GMDS: variants seen among roughly 807,000 people sequenced by gnomAD.
The protein encoded by GMDS is GDP-mannose 4,6 dehydratase.
A neutral mutation model predicts 49.9 loss-of-function variants in GMDS; 20 were observed. The observed-to-expected ratio is 0.40, with a 90% CI of 0.28 to 0.58. The LOEUF (loss-of-function observed/expected upper bound fraction) is 0.58. GMDS is among the 20% of genes least tolerant of loss of function. The pLI, the probability that GMDS is intolerant of heterozygous loss-of-function variation, is 0.42. For missense variants in GMDS, 362 were observed against 481.4 expected, an observed-to-expected ratio of 0.75 and a Z score of 2.32; for synonymous variants, 177 against 178.6, an observed-to-expected ratio of 0.99 and a Z score of 0.07.
In GMDS at chr6:1,766,203, T is replaced by G. The variant is rs566803236; in HGVS notation, c.772-23617A>C. On this transcript the variant is annotated intron_variant, in intron 7 of 10. Transcript: ENST00000380815. This position sits in a 1 kb window ranked among gnomAD's most constrained non-coding sequence, Gnocchi z 4.5. The stretch of plus-strand genomic sequence containing the variant: ...AGATACCTGATGCCATGATTAATTT[T>G]TGTGTGTGGCACAGAAGCAAGGAGA... 6.6e-6 allele frequency among the ~76,000 whole-genome samples: 1 copy of G among 150,786 alleles called. No homozygotes were observed. Among genetic ancestry groups the G allele is most frequent in the South Asian group, 2.1e-4 (1 of 4,792 alleles).
At chr6:1,950,600 G>A (rs991248524) in intron 6 of GMDS, among the ~76,000 whole-genome samples, 12 of 152,188 alleles carry the variant, frequency 7.9e-5, no homozygotes, top group Admixed American at 6.5e-5. Context: ...TGGTGTTCAC[G>A]TAAATGTTTG....
At position 1,950,493 on chromosome 6, in the gene GMDS, C is replaced by T. The variant is rs572886048; in HGVS notation, c.643+9374G>A. Among the ~76,000 whole-genome samples the T allele has an allele frequency of 1.6e-4, 24 of 152,260 alleles. No homozygotes were observed. The South Asian group carries it at 5.0e-3, about 32-fold the overall frequency. On this transcript the variant is annotated intron_variant, in intron 6 of 10. Transcript: ENST00000380815. ...GGTCACTGAGGTGAGGGTTCAGCCT[C>T]CAATGATTAGAAGAGTCCTGGGTTT...
At chr6:1,965,920 C>T (rs7769222) in intron 4 of GMDS, among the ~76,000 whole-genome samples, 4,661 of 152,106 alleles carry the variant, frequency 0.031, 239 homozygotes, top group African/African-American at 0.11. Context: ...CTGAAACACA[C>T]GAAAACATGG....
intron 7 of GMDS, among the ~76,000 whole-genome samples, chr6:1,921,071 G>T (rs1010162476): frequency 6.6e-6 from 1 of 152,158 alleles, no homozygotes; most frequent in African/African-American, 2.4e-5. Flanking sequence ...CTACCCATTA[G>T]AACTTAAGCA....
At chr6:2,211,980 A>G (rs1780081798) in intron 1 of GMDS, among the ~76,000 whole-genome samples, 1 of 152,214 alleles carries the variant, frequency 6.6e-6, no homozygotes, top group Non-Finnish European at 1.5e-5. Context: ...ACAATTGGTA[A>G]TAATTTAACC....
intron 1 of GMDS, among the ~76,000 whole-genome samples, chr6:2,212,016 CAAGT>C (rs1336714615): frequency 6.6e-6 from 1 of 152,166 alleles, no homozygotes; most frequent in Non-Finnish European, 1.5e-5. Flanking sequence ...ACAGTTCATT[CAAGT>C]AAGTAAATAT....
chr6:2,126,726 C>T (rs568360224), intron 1 of GMDS, among the ~76,000 whole-genome samples: 145 of 152,264 alleles, frequency 9.5e-4, no homozygotes, highest in Non-Finnish European at 1.9e-3. Flanking sequence ...CCTCTGCCTC[C>T]GGGTTCAAGC....
intron 7 of GMDS, among the ~76,000 whole-genome samples, chr6:1,894,603 G>A (rs1315408717): frequency 6.6e-6 from 1 of 152,186 alleles, no homozygotes; most frequent in Non-Finnish European, 1.5e-5. Context: ...ATTACATAGA[G>A]AGTGAGATGT....
At chr6:1,713,313 C>T (rs1026455158) in intron 9 of GMDS, among the ~76,000 whole-genome samples, 2 of 152,226 alleles carry the variant, frequency 1.3e-5, no homozygotes, top group Non-Finnish European at 2.9e-5. Context: ...TATCTTTTCA[C>T]CTCCTTCCTG....
intron 1 of GMDS, among the ~76,000 whole-genome samples, chr6:2,174,580 T>C (rs1289786487): frequency 2.0e-5 from 3 of 152,244 alleles, no homozygotes; most frequent in Non-Finnish European, 4.4e-5. Context: ...TTTTGTTTTT[T>C]AAATTGAGAC....
intron 9 of GMDS, among the ~76,000 whole-genome samples, chr6:1,649,319 T>C (rs1001648315): frequency 2.0e-5 from 3 of 152,224 alleles, no homozygotes; most frequent in Admixed American, 2.0e-4. Context: ...TCATTAACTC[T>C]TCACAGACAG....
intron 7 of GMDS, among the ~76,000 whole-genome samples, chr6:1,822,818 A>G (rs1475520283): frequency 6.6e-6 from 1 of 152,192 alleles, no homozygotes; most frequent in African/African-American, 2.4e-5. Flanking sequence ...TAAATATTTC[A>G]ATACTGTTAA....
At chr6:2,065,182 T>C (rs558471487) in intron 4 of GMDS, among the ~76,000 whole-genome samples, 1 of 152,030 alleles carries the variant, frequency 6.6e-6, no homozygotes, top group Non-Finnish European at 1.5e-5. Context: ...TCACACAGCC[T>C]GGTACTCCAA....
At chr6:2,127,464 G>A (rs1255927829) in intron 1 of GMDS, among the ~76,000 whole-genome samples, 3 of 151,972 alleles carry the variant, frequency 2.0e-5, no homozygotes, top group Non-Finnish European at 4.4e-5. Flanking sequence ...GGCAAGAGCT[G>A]TGATTATTTA....
intron 7 of GMDS, among the ~76,000 whole-genome samples, chr6:1,860,208 A>G (rs926664901): frequency 1.2e-4 from 19 of 152,228 alleles, no homozygotes; most frequent in Non-Finnish European, 2.8e-4. Context: ...ATGTAATAAA[A>G]ATCTTATAAT....
At chr6:1,719,717 G>T (rs1192804014) in intron 9 of GMDS, among the ~76,000 whole-genome samples, 1 of 152,074 alleles carries the variant, frequency 6.6e-6, no homozygotes, top group Non-Finnish European at 1.5e-5. Context: ...ATCACACCAG[G>T]GACGAATGGA....
intron 7 of GMDS, among the ~76,000 whole-genome samples, chr6:1,896,850 G>T (rs1245945251): frequency 2.6e-5 from 4 of 152,194 alleles, no homozygotes; most frequent in African/African-American, 9.7e-5. Flanking sequence ...AGATAACAAG[G>T]TTACAAATCA....
intron 4 of GMDS, among the ~76,000 whole-genome samples, chr6:1,974,693 T>C (rs1186158457): frequency 6.6e-6 from 1 of 151,956 alleles, no homozygotes; most frequent in African/African-American, 2.4e-5. Context: ...TAGAACTACA[T>C]GCACTATGAT....
chr6:1,894,561 C>T (rs1232567734), intron 7 of GMDS, among the ~76,000 whole-genome samples: 1 of 151,996 alleles, frequency 6.6e-6, no homozygotes, highest in Non-Finnish European at 1.5e-5. Context: ...GTGAGAGCAC[C>T]CGTTTATCTC....
Sources: allele counts gnomAD v4.1 joint callset (sites outside exome capture counted in the v4.1 genomes callset), GRCh38; gene constraint gnomAD v4.1.1; non-coding constraint Gnocchi (gnomAD v3.1); transcripts MANE v1.5; gene names NCBI Gene and HGNC (gene_info 2026-07-23, HGNC 2026-07-21).